Variants in PCDH15 observed in about 807,000 individuals in gnomAD.
The protein encoded by PCDH15 is protocadherin-15.
PCDH15 carries 129 observed loss-of-function variants against 178.5 expected under a neutral mutation model. The ratio of observed to expected loss-of-function variants is 0.72; its 90% CI spans 0.63 to 0.84. PCDH15 has a LOEUF of 0.84. Among genes scored for constraint, PCDH15 ranks in the 40% least tolerant of loss-of-function variants. The pLI is 0.00. For missense variants in PCDH15, 2,230 were observed against 2,099.9 expected (o/e 1.06, Z -1.21); for synonymous variants, 800 against 732.0 (o/e 1.09, Z -1.50).
chr10:54,077,230 C>T (rs185441626), intron 17 of PCDH15, among the ~76,000 whole-genome samples: 40 of 152,066 alleles, frequency 2.6e-4, no homozygotes, highest in African/African-American at 9.4e-4. Context: ...CAAAATGAAA[C>T]CTGAGTGATT....
intron 2 of PCDH15, among the ~76,000 whole-genome samples, chr10:55,511,013 A>G (rs992040352): frequency 3.3e-5 from 5 of 150,660 alleles, no homozygotes; most frequent in African/African-American, 1.2e-4. Context: ...ACATGCACCA[A>G]CATGAGTGGC....
intron 2 of PCDH15, among the ~76,000 whole-genome samples, chr10:54,653,274 A>T (rs1036561862): frequency 8.5e-5 from 13 of 152,194 alleles, no homozygotes; most frequent in African/African-American, 2.9e-4. Flanking sequence ...AACCCCTTAC[A>T]TTAAATAATT....
intron 3 of PCDH15, among the ~76,000 whole-genome samples, chr10:54,413,994 G>A (rs72788675): frequency 0.47 from 71,579 of 151,788 alleles, 17,595 homozygotes; most frequent in Non-Finnish European, 0.53. Context: ...AATAGTGTAC[G>A]TTGTACCCAT....
chr10:54,168,060 TC>T (rs1404456364), intron 13 of PCDH15, among the ~76,000 whole-genome samples: 1 of 151,882 alleles, frequency 6.6e-6, no homozygotes, highest in Non-Finnish European at 1.5e-5. Context: ...GCCTGTGTTC[TC>T]AAAAACTTAA....
intron 2 of PCDH15, among the ~76,000 whole-genome samples, chr10:55,602,440 C>A (rs1843108742): frequency 6.6e-6 from 1 of 152,244 alleles, no homozygotes; most frequent in East Asian, 1.9e-4. Context: ...GGGCAGGGCA[C>A]AGACAAACAA....
intron 2 of PCDH15, among the ~76,000 whole-genome samples, chr10:55,521,392 A>G (rs1841172198): frequency 6.6e-6 from 1 of 152,018 alleles, no homozygotes; most frequent in Non-Finnish European, 1.5e-5. Flanking sequence ...CAGCACAGCA[A>G]ACGGTCTTCA....
chr10:55,068,857 T>C (rs1371209131), intron 2 of PCDH15, among the ~76,000 whole-genome samples: 1 of 151,870 alleles, frequency 6.6e-6, no homozygotes, highest in Non-Finnish European at 1.5e-5. Context: ...GTTCTCTTTT[T>C]TGTAGCTATT....
At chr10:55,262,635 A>T (rs1842175795) in intron 1 of PCDH15, among the ~76,000 whole-genome samples, 1 of 152,140 alleles carries the variant, frequency 6.6e-6, no homozygotes, top group South Asian at 2.1e-4. Flanking sequence ...GAGCCCGGCC[A>T]CTGAGCAGCC....
chr10:54,971,336 C>T (rs1838925325), intron 2 of PCDH15, among the ~76,000 whole-genome samples: 1 of 152,054 alleles, frequency 6.6e-6, no homozygotes, highest in Admixed American at 6.6e-5. Flanking sequence ...TTTTGTCCTT[C>T]CATCCCTTCT....
At chr10:55,221,495 A>T (rs1213793098) in intron 1 of PCDH15, among the ~76,000 whole-genome samples, 1 of 152,134 alleles carries the variant, frequency 6.6e-6, no homozygotes, top group Non-Finnish European at 1.5e-5. Flanking sequence ...CAATTCAACC[A>T]TGGCTAGACA....
rs1238696966 is a variant in PCDH15 at position 54,376,139 on chromosome 10, C to T, written c.318+2643G>A. Among the ~76,000 whole-genome samples, 6 of 151,650 alleles carry T rather than the reference C, an allele frequency of 4.0e-5. No homozygotes were observed. The South Asian group carries it at 8.3e-4, about 21-fold the overall frequency. On this transcript the variant is annotated intron_variant, in intron 4 of 37. Transcript: ENST00000644397. ...TGAACTCCTGACCTCAAGTGATTAA[C>T]TGGCCTTGGCCTCCCAAAGTGCTGG...
In PCDH15 at chr10:55,533,532, A is replaced by T; in HGVS notation, c.-156+94093T>A. Among the ~76,000 whole-genome samples, 2 of 152,078 alleles carry T rather than the reference A, an allele frequency of 1.3e-5. 1 individual carries two copies. Among genetic ancestry groups the T allele is most frequent in the Non-Finnish European group, 2.9e-5 (2 of 68,006 alleles). ...ATACAGCTAATGAAGAAGGTGAAAG[A>T]TCTCTATAAGGAGAACTATAAAACA... is the stretch of plus-strand genomic sequence containing the variant. On this transcript the variant is annotated intron_variant, in intron 2 of 5. Coordinates refer to the PCDH15 transcript ENST00000613346.
chr10:55,514,680 G>C (rs1336294580), intron 2 of PCDH15, among the ~76,000 whole-genome samples: 1 of 152,024 alleles, frequency 6.6e-6, no homozygotes, highest in Non-Finnish European at 1.5e-5. Context: ...TGTCCCTCTG[G>C]GTATGGGACA....
intron 2 of PCDH15, among the ~76,000 whole-genome samples, chr10:54,589,447 A>T (rs2091733964): frequency 6.6e-6 from 1 of 151,990 alleles, no homozygotes; most frequent in Non-Finnish European, 1.5e-5. Context: ...CTGAACCCCC[A>T]TTGGCCATTC....
At chr10:54,963,917 C>T (rs1412243146) in intron 2 of PCDH15, among the ~76,000 whole-genome samples, 1 of 152,108 alleles carries the variant, frequency 6.6e-6, no homozygotes, top group African/African-American at 2.4e-5. Context: ...ACAGCTGAGA[C>T]AATGGTGATG....
At chr10:55,601,315 T>C (rs1843071675) in intron 2 of PCDH15, among the ~76,000 whole-genome samples, 1 of 152,162 alleles carries the variant, frequency 6.6e-6, no homozygotes, top group Non-Finnish European at 1.5e-5. Flanking sequence ...TTGAACTGAA[T>C]CTTACAGGAA....
At chr10:54,805,696 G>T (rs72798504), upstream of PCDH15, among the ~76,000 whole-genome samples, 14,182 of 152,126 alleles carry the variant, frequency 0.093, 882 homozygotes, top group Non-Finnish European at 0.14. Flanking sequence ...ACTTGTCTCT[G>T]CTGAGTTTCC....
At chr10:55,231,946 A>T (rs1229489389) in intron 1 of PCDH15, among the ~76,000 whole-genome samples, 1 of 152,044 alleles carries the variant, frequency 6.6e-6, no homozygotes, top group Non-Finnish European at 1.5e-5. Flanking sequence ...TTATATTTCC[A>T]TTGTTTGGAC....
chr10:55,259,894 C>T (rs532660450), intron 1 of PCDH15, among the ~76,000 whole-genome samples: 523 of 29,944 alleles, frequency 0.017, 8 homozygotes, highest in African/African-American at 0.056. Flanking sequence ...AAGAGCAAAA[C>T]TCCGTCTCAA....
Sources: gnomAD v4.1 joint callset for allele counts (sites outside exome capture counted in the v4.1 genomes callset) on GRCh38, gnomAD v4.1.1 for gene constraint, MANE v1.5 for transcripts, NCBI Gene and HGNC (gene_info 2026-07-23, HGNC 2026-07-21) for gene names.